The following LYRM4 variants were observed in gnomAD, a reference collection of about 807,000 sequenced individuals.
LYRM4 encodes LYR motif-containing protein 4.
In LYRM4, 9 loss-of-function variants were observed where a neutral mutation model predicts 11.7. That is an observed-to-expected ratio of 0.77 (90% CI 0.46 to 1.34). The LOEUF (loss-of-function observed/expected upper bound fraction) is 1.34. Among genes scored for constraint, LYRM4 ranks in the 40% most tolerant of loss-of-function variants. The pLI, the probability that LYRM4 is intolerant of heterozygous loss-of-function variation, is 0.00. For synonymous variants in LYRM4, 42 were observed against 40.4 expected (o/e 1.04, Z -0.15); for missense variants, 133 against 112.5 (o/e 1.18, Z -0.82).
the LYRM4 span, among the ~76,000 whole-genome samples, chr6:5,076,815 T>C: frequency 2.0e-5 from 3 of 152,182 alleles, no homozygotes; most frequent in East Asian, 5.8e-4. Flanking sequence ...TTGAGAAGCA[T>C]CGATCTAGTC....
the LYRM4 span, among the ~76,000 whole-genome samples, chr6:5,062,530 T>C: frequency 2.6e-5 from 4 of 152,204 alleles, no homozygotes; most frequent in Admixed American, 6.5e-5. Flanking sequence ...CATTGTTTTA[T>C]TTAATTCACC....
At chr6:5,050,880 CAA>C in the LYRM4 span, among the ~76,000 whole-genome samples, 1 of 152,082 alleles carries the variant, frequency 6.6e-6, no homozygotes, top group African/African-American at 2.4e-5. Flanking sequence ...ACTTACTAAA[CAA>C]AGAGTTTAAA....
At chr6:5,207,758 CAGAG>C (rs148932327) in intron 2 of LYRM4, among the ~76,000 whole-genome samples, 4 of 151,244 alleles carry the variant, frequency 2.6e-5, no homozygotes, top group East Asian at 3.9e-4. Flanking sequence ...CTTTTGACGG[CAGAG>C]AGAGAGAGAG....
intron 2 of LYRM4, among the ~76,000 whole-genome samples, chr6:5,206,354 C>T (rs562234471): frequency 6.6e-6 from 1 of 152,298 alleles, no homozygotes; most frequent in Admixed American, 6.5e-5. Flanking sequence ...GCTGGGCCAA[C>T]AATCAGTGAG....
chr6:5,136,569 G>A (rs1187787948), intron 2 of LYRM4: 1 of 973,480 alleles, frequency 1.0e-6, no homozygotes, highest in Non-Finnish European at 1.2e-6. Context: ...TATTTATAAT[G>A]TCTTACTACA....
intron 1 of LYRM4, among the ~76,000 whole-genome samples, chr6:5,260,020 T>G (rs1764920657): frequency 6.6e-6 from 1 of 152,178 alleles, no homozygotes; most frequent in Non-Finnish European, 1.5e-5. Context: ...GCCCTCAATA[T>G]CCTGCTGTCA....
chr6:5,137,554 T>C (rs1312511837), intron 2 of LYRM4, among the ~76,000 whole-genome samples: 2 of 152,196 alleles, frequency 1.3e-5, no homozygotes, highest in East Asian at 3.9e-4. Context: ...ACTGAACATC[T>C]TCTTTGAGCT....
chr6:5,157,827 C>A (rs2127649357), intron 2 of LYRM4, among the ~76,000 whole-genome samples: 1 of 152,296 alleles, frequency 6.6e-6, no homozygotes, highest in Non-Finnish European at 1.5e-5. Flanking sequence ...AGTGCCTGAG[C>A]CAGAGTAGGG....
At chr6:5,042,155 G>A in the LYRM4 span, among the ~76,000 whole-genome samples, 3,178 of 152,190 alleles carry the variant, frequency 0.021, 111 homozygotes, top group African/African-American at 0.073. Flanking sequence ...AAATAATTGC[G>A]CAATTCTGCT....
At chr6:5,086,388 C>G in the LYRM4 span, 1 of 1,536,246 alleles carries the variant, frequency 6.5e-7, no homozygotes, top group South Asian at 1.2e-5. Flanking sequence ...AGTGCTTCCA[C>G]TTCTCGCTGT....
the LYRM4 span, among the ~76,000 whole-genome samples, chr6:5,037,863 G>C: frequency 1.9e-5 from 1 of 53,958 alleles, no homozygotes; most frequent in African/African-American, 4.9e-5. Flanking sequence ...CGGGCAGAGG[G>C]GCTCCTCACT....
chr6:5,145,593 A>G (rs1757676562), intron 2 of LYRM4, among the ~76,000 whole-genome samples: 1 of 152,238 alleles, frequency 6.6e-6, no homozygotes, highest in Admixed American at 6.5e-5. Context: ...GGAAAGCAAT[A>G]GGACCCCAGC....
At chr6:5,116,046 G>A (rs552876622) in intron 2 of LYRM4, among the ~76,000 whole-genome samples, 1 of 152,274 alleles carries the variant, frequency 6.6e-6, no homozygotes, top group East Asian at 1.9e-4. Context: ...AGACACATAG[G>A]AAGTGCTCAG....
the LYRM4 span, among the ~76,000 whole-genome samples, chr6:5,040,376 C>T: frequency 6.6e-6 from 1 of 150,948 alleles, no homozygotes; most frequent in Non-Finnish European, 1.5e-5. Flanking sequence ...TACATACATA[C>T]ATACATACAT....
At chr6:5,256,326 C>T (rs560469031) in intron 1 of LYRM4, among the ~76,000 whole-genome samples, 32 of 151,552 alleles carry the variant, frequency 2.1e-4, no homozygotes, top group Non-Finnish European at 4.1e-4. Flanking sequence ...CCCGCCTCTA[C>T]TAAAAATACA....
intron 2 of LYRM4, among the ~76,000 whole-genome samples, chr6:5,182,719 T>TTA (rs1288047231): frequency 2.0e-5 from 3 of 152,358 alleles, no homozygotes; most frequent in African/African-American, 7.2e-5. Context: ...AACCACTGTT[T>TTA]AGACACATCC....
At chr6:5,048,863 A>G in the LYRM4 span, among the ~76,000 whole-genome samples, 1 of 152,176 alleles carries the variant, frequency 6.6e-6, no homozygotes, top group Middle Eastern at 3.2e-3. Flanking sequence ...AAGAAAGCCA[A>G]TTGTTCCTCT....
chr6:5,066,568 T>A, the LYRM4 span: 1 of 953,862 alleles, frequency 1.0e-6, no homozygotes, highest in Non-Finnish European at 1.7e-6. Flanking sequence ...CCATCCAGAT[T>A]TTTTCCTAAG....
chr6:5,162,242 G>GT (rs1254028775), intron 2 of LYRM4, among the ~76,000 whole-genome samples: 4 of 152,220 alleles, frequency 2.6e-5, no homozygotes, highest in African/African-American at 9.6e-5. Context: ...ATTTCAATCA[G>GT]TATGTATCAG....
Sources: gnomAD v4.1 joint callset for allele counts (sites outside exome capture counted in the v4.1 genomes callset) on GRCh38, gnomAD v4.1.1 for gene constraint, MANE v1.5 for transcripts, NCBI Gene and HGNC (gene_info 2026-07-23, HGNC 2026-07-21) for gene names.